The following RARB variants were observed in gnomAD, a reference collection of about 807,000 sequenced individuals.
RARB encodes the protein retinoic acid receptor beta, also known as HBV-activated protein.
A neutral mutation model predicts 51.9 loss-of-function variants in RARB; 17 were observed. That is an observed-to-expected ratio of 0.33 (90% confidence interval 0.22 to 0.49). RARB has a LOEUF of 0.49. Among genes scored for constraint, RARB ranks in the 20% least tolerant of loss-of-function variants. The pLI, the probability that RARB is intolerant of heterozygous loss-of-function variation, is 0.99. For synonymous variants in RARB, 215 were observed against 195.4 expected, an observed-to-expected ratio of 1.10 and a Z score of -0.84; for missense variants, 369 against 550.8, an observed-to-expected ratio of 0.67 and a Z score of 3.30.
At chr3:25,532,509 G>A (rs148406724) in intron 3 of RARB, among the ~76,000 whole-genome samples, 1 of 152,274 alleles carries the variant, frequency 6.6e-6, no homozygotes, top group African/African-American at 2.4e-5. Flanking sequence ...AGCAAAAGAC[G>A]GAAGAGTATT....
At chr3:25,411,599 G>A (rs1010409595) in intron 5 of RARB, among the ~76,000 whole-genome samples, 1 of 152,194 alleles carries the variant, frequency 6.6e-6, no homozygotes, top group East Asian at 1.9e-4. Flanking sequence ...CTAAATGCCA[G>A]TAGTGACCTC....
At chr3:25,039,010 C>T (rs943561098) in intron 2 of RARB, among the ~76,000 whole-genome samples, 6 of 152,158 alleles carry the variant, frequency 3.9e-5, no homozygotes, top group East Asian at 1.9e-4. Flanking sequence ...TTTGCTTAAA[C>T]GGTTTAGAAC....
chr3:25,182,912 A>T (rs1241776671), intron 5 of RARB, among the ~76,000 whole-genome samples: 1 of 152,124 alleles, frequency 6.6e-6, no homozygotes, highest in Non-Finnish European at 1.5e-5. Context: ...ACACATGTGA[A>T]GATTGGAGCT....
intron 2 of RARB, among the ~76,000 whole-genome samples, chr3:25,498,125 A>T (rs892152153): frequency 6.6e-6 from 1 of 152,172 alleles, no homozygotes; most frequent in Non-Finnish European, 1.5e-5. Context: ...ACCTTCTAAT[A>T]TTGACAGTTG....
Position 25,489,530 on chromosome 3 carries a change from T to A in RARB, c.307-11652T>A, listed in dbSNP as rs548488984. Among the ~76,000 whole-genome samples, 19 of 152,326 alleles carry A rather than the reference T, an allele frequency of 1.2e-4. No homozygotes were observed. The East Asian group carries it at 3.5e-3, about 28-fold the overall frequency. On this transcript the variant is annotated intron_variant, in intron 2 of 7. Coordinates refer to ENST00000330688, the MANE Select transcript of RARB (RefSeq NM_000965.5). The stretch of plus-strand genomic sequence containing the variant: ...AATTATAAAAGTTGCATATACTCCA[T>A]CACAAAAAAAGATTGTTACATCCCT...
intron 5 of RARB, among the ~76,000 whole-genome samples, chr3:25,318,520 C>T (rs1268736195): frequency 6.6e-6 from 1 of 152,104 alleles, no homozygotes; most frequent in Non-Finnish European, 1.5e-5. Flanking sequence ...AAATGAATGG[C>T]TCGGCCAGTT....
intron 5 of RARB, among the ~76,000 whole-genome samples, chr3:25,247,246 G>T (rs1026686703): frequency 1.2e-4 from 18 of 152,344 alleles, no homozygotes; most frequent in African/African-American, 4.1e-4. Flanking sequence ...GTGGGTCTTA[G>T]CTTGCTGGGC....
chr3:24,994,278 A>G (rs1383098297), intron 2 of RARB, among the ~76,000 whole-genome samples: 1 of 148,828 alleles, frequency 6.7e-6, no homozygotes, highest in African/African-American at 2.5e-5. Flanking sequence ...ATTTTTCTAT[A>G]TATTTGTTGA....
intron 3 of RARB, among the ~76,000 whole-genome samples, chr3:25,114,431 A>T (rs1699653051): frequency 6.6e-6 from 1 of 152,182 alleles, no homozygotes; most frequent in Non-Finnish European, 1.5e-5. Context: ...CTTGAGTTAA[A>T]ACATTTATTT....
At chr3:25,138,234 G>T (rs1283943536) in intron 4 of RARB, among the ~76,000 whole-genome samples, 2 of 152,010 alleles carry the variant, frequency 1.3e-5, no homozygotes, top group Non-Finnish European at 2.9e-5. Context: ...ACTGTACATA[G>T]ATGAAAACAG....
At chr3:24,900,060 A>G (rs1703568987) in intron 2 of RARB, among the ~76,000 whole-genome samples, 1 of 152,236 alleles carries the variant, frequency 6.6e-6, no homozygotes, top group African/African-American at 2.4e-5. Context: ...TTGATGTTAT[A>G]AGTGTCATGT....
intron 3 of RARB, among the ~76,000 whole-genome samples, chr3:25,502,104 G>A (rs1296585109): frequency 6.6e-6 from 1 of 152,192 alleles, no homozygotes; most frequent in Admixed American, 6.5e-5. Flanking sequence ...TGCTCTTGTG[G>A]GGCTGCTGCT....
chr3:24,868,183 C>T (rs1177707970), intron 2 of RARB, among the ~76,000 whole-genome samples: 1 of 152,094 alleles, frequency 6.6e-6, no homozygotes, highest in East Asian at 1.9e-4. Context: ...GCATGTGTTA[C>T]ATGTGGGTGT....
rs780038024 is a variant in RARB at position 25,107,801 on chromosome 3, CAT to C, written c.-327-24358_-327-24357del. ...GTTTGAAGTGCAACAGCAAAACTAA[CAT>C]AAATTTTTTCTCACAATTTCGTGGA... On this transcript the variant is annotated intron_variant, in intron 3 of 11. Transcript: ENST00000383772. Among the ~76,000 whole-genome samples, 21 of 152,300 alleles carry C rather than the reference CAT, an allele frequency of 1.4e-4. No individual in the cohort carries two copies. The East Asian group carries it at 1.9e-3, about 14-fold the overall frequency.
chr3:25,496,933 G>A (rs1343891315), intron 2 of RARB, among the ~76,000 whole-genome samples: 2 of 152,212 alleles, frequency 1.3e-5, no homozygotes, highest in Admixed American at 6.5e-5. Context: ...TACCCAAGCT[G>A]GAGTGCAGTG....
chr3:25,374,770 A>C (rs1706406186), intron 5 of RARB, among the ~76,000 whole-genome samples: 1 of 152,172 alleles, frequency 6.6e-6, no homozygotes, highest in Admixed American at 6.5e-5. Context: ...GATTCAACCT[A>C]AACGTGTCTT....
rs369853355 is a variant in RARB, at chr3:25,567,338, A to T, written c.449-2420A>T. ...CAACTTGCCCCCGTACCTGACAGCCACGAGTCTACTTTTTGTCTTTGGATT... is the reference window on the plus strand; with the variant it reads ...CAACTTGCCCCCGTACCTGACAGCCTCGAGTCTACTTTTTGTCTTTGGATT... On this transcript the variant is annotated intron_variant, in intron 3 of 7. Coordinates refer to ENST00000330688, the MANE Select transcript of RARB (RefSeq NM_000965.5). 2.4e-4 allele frequency among the ~76,000 whole-genome samples: 36 copies of T among 152,198 alleles called. 1 individual carries two copies. The highest frequency in any genetic ancestry group is 1.5e-3 in the East Asian group (8 of 5,168).
chr3:25,397,767 G>A (rs1707155144), intron 5 of RARB, among the ~76,000 whole-genome samples: 1 of 151,904 alleles, frequency 6.6e-6, no homozygotes, highest in South Asian at 2.1e-4. Context: ...TACAAATTCA[G>A]GTAATGCATT....
intron 2 of RARB, among the ~76,000 whole-genome samples, chr3:25,031,696 A>G (rs557269992): frequency 6.6e-6 from 1 of 152,278 alleles, no homozygotes; most frequent in East Asian, 1.9e-4. Flanking sequence ...GGAACTGTCT[A>G]TGGAGTTGCA....
Sources: allele counts gnomAD v4.1 joint callset (sites outside exome capture counted in the v4.1 genomes callset), GRCh38; gene constraint gnomAD v4.1.1; transcripts MANE v1.5; gene names NCBI Gene and HGNC (gene_info 2026-07-23, HGNC 2026-07-21).